Variants in POLR1C observed in about 807,000 individuals in gnomAD.
The protein encoded by POLR1C is DNA-directed RNA polymerases I and III subunit RPAC1.
In POLR1C, 42 loss-of-function variants were observed where a neutral mutation model predicts 38.3. The observed-to-expected ratio is 1.10, with a 90% CI of 0.86 to 1.42. The LOEUF is 1.42. Among genes scored for constraint, POLR1C ranks in the 40% most tolerant of loss-of-function variants. The probability of loss-of-function intolerance (pLI) is 0.00; values close to 1 mark genes in which losing one functional copy is unlikely to be tolerated. For missense variants in POLR1C, 507 were observed against 450.5 expected (o/e 1.13, Z -1.14); for synonymous variants, 163 against 163.9 (o/e 0.99, Z 0.04).
At chr6:43,522,780 G>A, downstream of POLR1C, 1 of 451,270 alleles carries the variant, frequency 2.2e-6, no homozygotes, top group Non-Finnish European at 4.8e-6. Flanking sequence ...ACTGGTTTCT[G>A]TATGGATTAA....
At chr6:43,528,106 C>T in intron 8 of POLR1C, 1 of 1,550,290 alleles carries the variant, frequency 6.5e-7, no homozygotes, top group Non-Finnish European at 8.8e-7. Context: ...TTTTCCCACC[C>T]CAAACCTGGC....
downstream of POLR1C, chr6:43,530,876 C>T (rs1401511132): frequency 6.4e-7 from 1 of 1,569,516 alleles, no homozygotes; most frequent in African/African-American, 1.4e-5. Flanking sequence ...ACATCTGTTA[C>T]TGCCAGCCCT....
downstream of POLR1C, chr6:43,525,231 G>T: frequency 6.4e-7 from 1 of 1,559,678 alleles, no homozygotes; most frequent in African/African-American, 1.4e-5. Context: ...AGGAAAAGAT[G>T]AAGAGTTACA....
downstream of POLR1C, chr6:43,523,691 G>T: frequency 1.0e-6 from 1 of 962,576 alleles, no homozygotes; most frequent in Non-Finnish European, 1.7e-6. Context: ...TGATACTTTA[G>T]TATAATTACT....
At chr6:43,554,890 C>T (rs926147595) in intron 10 of POLR1C, 1 of 151,110 alleles carries the variant, frequency 6.6e-6, no homozygotes, top group African/African-American at 2.4e-5. Flanking sequence ...AAATGTCAGC[C>T]AGTAGTATGG....
In POLR1C at chr6:43,535,606, C is replaced by A. The variant is rs540769617; in HGVS notation, c.*4+6247C>A. 6.7e-5 allele frequency among the ~76,000 whole-genome samples: 10 copies of A among 148,722 alleles called. No homozygotes were observed. In the South Asian group the frequency reaches 1.9e-3, roughly 29 times the overall value. Reference sequence around the variant, plus strand: ...GCGGTGGATCACGAGGTCAGGAGATCGAGACCATCCTGGGTAACATGGTGA... The same window carrying A: ...GCGGTGGATCACGAGGTCAGGAGATAGAGACCATCCTGGGTAACATGGTGA... On this transcript the variant is annotated intron_variant, in intron 9 of 10. Transcript: ENST00000607635.
chr6:43,535,117 C>G (rs1476593046), intron 9 of POLR1C, among the ~76,000 whole-genome samples: 1 of 150,460 alleles, frequency 6.6e-6, no homozygotes, highest in African/African-American at 2.5e-5. Context: ...ACAGTGAAAC[C>G]CTGTCTCTAC....
chr6:43,518,720 A>G (rs1333854831), intron 2 of POLR1C, among the ~76,000 whole-genome samples: 1 of 152,132 alleles, frequency 6.6e-6, no homozygotes, highest in Non-Finnish European at 1.5e-5. Context: ...AGGCACTCTT[A>G]TGTCCCAGGC....
chr6:43,545,628 G>A (rs1361202640), intron 9 of POLR1C, among the ~76,000 whole-genome samples: 2 of 152,012 alleles, frequency 1.3e-5, no homozygotes, highest in African/African-American at 4.8e-5. Context: ...AATCGCTTAA[G>A]CCTGGGAGGC....
intron 2 of POLR1C, among the ~76,000 whole-genome samples, chr6:43,518,478 C>T (rs1792960840): frequency 6.6e-6 from 1 of 152,114 alleles, no homozygotes; most frequent in South Asian, 2.1e-4. Flanking sequence ...GGCTAGAAGA[C>T]TGCATGCTTG....
chr6:43,535,526 C>G (rs1262288975), intron 9 of POLR1C, among the ~76,000 whole-genome samples: 1 of 152,104 alleles, frequency 6.6e-6, no homozygotes, highest in Non-Finnish European at 1.5e-5. Context: ...CATGTTTAAG[C>G]CTCCATAGTT....
chr6:43,531,680 A>T, downstream of POLR1C: 1 of 965,310 alleles, frequency 1.0e-6, no homozygotes, highest in Non-Finnish European at 1.7e-6. Flanking sequence ...AGATGTGTGC[A>T]TGTCTGGTGC....
downstream of POLR1C, among the ~76,000 whole-genome samples, chr6:43,521,798 G>A (rs1047068754): frequency 2.6e-5 from 4 of 152,236 alleles, no homozygotes; most frequent in African/African-American, 9.6e-5. Context: ...CTCCCAAAGT[G>A]TTGGGATTAC....
chr6:43,525,587 AG>A (rs1582192047), downstream of POLR1C: 2 of 532,780 alleles, frequency 3.8e-6, no homozygotes, highest in East Asian at 6.2e-5. Flanking sequence ...TGGCTTGGGG[AG>A]GCTAAACACC....
At chr6:43,532,907 G>A (rs1403825785), downstream of POLR1C, among the ~76,000 whole-genome samples, 1 of 152,196 alleles carries the variant, frequency 6.6e-6, no homozygotes, top group Non-Finnish European at 1.5e-5. Context: ...CACTTTGGGA[G>A]GCCAAGGCAG....
intron 8 of POLR1C, chr6:43,528,731 T>G: frequency 1.7e-6 from 2 of 1,183,732 alleles, no homozygotes. Flanking sequence ...GCAGGGCTAG[T>G]AGACAACACT....
At chr6:43,556,187 T>G in intron 10 of POLR1C, 1 of 482,666 alleles carries the variant, frequency 2.1e-6, no homozygotes, top group Non-Finnish European at 3.5e-6. Flanking sequence ...CTAGATCCTG[T>G]AAGTGGCAAA....
At chr6:43,524,275 C>G (rs1257873460), downstream of POLR1C, among the ~76,000 whole-genome samples, 1 of 151,288 alleles carries the variant, frequency 6.6e-6, no homozygotes, top group Admixed American at 6.6e-5. Flanking sequence ...TCGTTTGAAC[C>G]TGGGAGGCGG....
chr6:43,552,838 T>C (rs1219592683), intron 10 of POLR1C, among the ~76,000 whole-genome samples: 1 of 152,208 alleles, frequency 6.6e-6, no homozygotes, highest in African/African-American at 2.4e-5. Flanking sequence ...GCGTACAGTA[T>C]TCTAAAGCAG....
Sources: allele counts gnomAD v4.1 joint callset (sites outside exome capture counted in the v4.1 genomes callset), GRCh38; gene constraint gnomAD v4.1.1; transcripts MANE v1.5; gene names NCBI Gene and HGNC (gene_info 2026-07-23, HGNC 2026-07-21).